Variants in DDAH1 observed in about 807,000 individuals in gnomAD.
The protein encoded by DDAH1 is N(G),N(G)-dimethylarginine dimethylaminohydrolase 1.
A neutral mutation model predicts 28.8 loss-of-function variants in DDAH1; 19 were observed. The observed-to-expected ratio is 0.66, with a 90% CI of 0.46 to 0.97. The LOEUF (loss-of-function observed/expected upper bound fraction) is 0.97, where lower values mean the gene tolerates loss of function less well. Among genes scored for constraint, DDAH1 ranks in the 50% least tolerant of loss-of-function variants. The pLI, the probability that DDAH1 is intolerant of heterozygous loss-of-function variation, is 0.00. For synonymous variants in DDAH1, 153 were observed against 154.4 expected, an observed-to-expected ratio of 0.99 and a Z score of 0.07; for missense variants, 326 against 375.9, an observed-to-expected ratio of 0.87 and a Z score of 1.10.
At chr1:85,517,994 G>T (rs990296172) in intron 1 of DDAH1, among the ~76,000 whole-genome samples, 1 of 152,196 alleles carries the variant, frequency 6.6e-6, no homozygotes, top group Non-Finnish European at 1.5e-5. Context: ...TATTCATAAA[G>T]TATCTAATTG....
At chr1:85,451,006 G>A (rs114653491) in intron 1 of DDAH1, among the ~76,000 whole-genome samples, 5,323 of 152,254 alleles carry the variant, frequency 0.035, 319 homozygotes, top group African/African-American at 0.12. Flanking sequence ...CTAAAACCAT[G>A]AGCTGGAGAG....
At chr1:85,519,073 C>A (rs779704240) in intron 1 of DDAH1, among the ~76,000 whole-genome samples, 2 of 143,234 alleles carry the variant, frequency 1.4e-5, no homozygotes, top group African/African-American at 5.2e-5. Flanking sequence ...CAAGAAGAAA[C>A]GAGGAAAGAC....
At chr1:85,350,198 AC>A (rs1248825626) in intron 4 of DDAH1, among the ~76,000 whole-genome samples, 5 of 152,090 alleles carry the variant, frequency 3.3e-5, no homozygotes, top group African/African-American at 1.2e-4. Context: ...CTGGTGTGTA[AC>A]TAAAAACAGT....
chr1:85,575,130 C>A (rs1425627009), intron 1 of DDAH1, among the ~76,000 whole-genome samples: 3 of 152,106 alleles, frequency 2.0e-5, no homozygotes, highest in Non-Finnish European at 4.4e-5. Context: ...ACTCAGGAGG[C>A]TAAGGCGGGT....
chr1:85,461,246 T>C (rs1029968815), intron 1 of DDAH1, among the ~76,000 whole-genome samples: 2 of 152,312 alleles, frequency 1.3e-5, no homozygotes, highest in Non-Finnish European at 1.5e-5. Flanking sequence ...AATCTAAAGA[T>C]ACAACATTAT....
At chr1:85,456,555 G>A (rs1257415116) in intron 1 of DDAH1, among the ~76,000 whole-genome samples, 4 of 152,208 alleles carry the variant, frequency 2.6e-5, no homozygotes, top group Non-Finnish European at 5.9e-5. Context: ...TAGGCTTTGT[G>A]TTAGATGATT....
rs1042982771 is a variant in DDAH1 at position 85,324,767 on chromosome 1, G to A, written c.714C>T (p.Thr238=). ...TTGCACTTTCTGGATACTCTTCCGG[G>A]GTTCGGTGCAGCAAGACGTGCCCTT... The part of the protein sequence containing the change: ...PNKGHVLLHR[T]PEEYPESAKV... Residue 238 remains threonine (T), a synonymous_variant, in exon 5 of 6, where the codon ACC becomes ACT. Transcript: ENST00000284031. 3 of 1,614,064 alleles carry A rather than the reference G, an allele frequency of 1.9e-6. No individual in the cohort carries two copies. Among genetic ancestry groups the A allele is most frequent in the Admixed American group, 1.7e-5 (1 of 60,000 alleles).
intron 4 of DDAH1, among the ~76,000 whole-genome samples, chr1:85,338,918 A>G (rs540876093): frequency 6.5e-4 from 99 of 151,556 alleles, no homozygotes; most frequent in Non-Finnish European, 1.3e-3. Flanking sequence ...GTGGTTGTAT[A>G]TGTCTGTAAT....
In DDAH1 at chr1:85,464,985, G is replaced by C; in HGVS notation, c.61C>G (p.Leu21Val). The C allele has an allele frequency of 7.0e-7, 1 of 1,425,286 alleles. No homozygotes were observed. The highest frequency in any genetic ancestry group is 9.2e-7 in the Non-Finnish European group (1 of 1,091,038). The allele number at this position is 1,425,286 out of a possible 1,614,324, so 88.3% of individuals were successfully genotyped here. A position where few individuals can be genotyped will look rare whatever the true frequency, so the allele number is the denominator to read the frequency against. ...GRATHAVVRA[L>V]PESLGQHALR... ...GCGTGCTGGCCGAGCGACTCGGGTA[G>C]CGCCCGCACCACGGCGTGGGTGGCC... Residue 21 changes from leucine to valine, a missense_variant, in exon 1 of 6, where the codon CTA becomes GTA. Physicochemically the swap from Leu to Val is conservative, Grantham distance 32 (BLOSUM62 1). Coordinates refer to ENST00000284031, the MANE Select transcript of DDAH1 (RefSeq NM_012137.4). This position sits in a 1 kb window ranked among gnomAD's most constrained non-coding sequence, Gnocchi z 4.4.
At chr1:85,419,905 G>T (rs1201517633) in intron 1 of DDAH1, among the ~76,000 whole-genome samples, 1 of 152,184 alleles carries the variant, frequency 6.6e-6, no homozygotes, top group East Asian at 1.9e-4. Context: ...TGTCCCTCAA[G>T]TTGCATTTCC....
At chr1:85,468,877 A>G (rs947210232), upstream of DDAH1, among the ~76,000 whole-genome samples, 15 of 152,200 alleles carry the variant, frequency 9.9e-5, no homozygotes, top group African/African-American at 3.4e-4. Context: ...CCACGAGAAC[A>G]GTACAGGAAA....
chr1:85,487,799 A>G lies in DDAH1; in HGVS notation c.-7+8367T>C, dbSNP rs1242367540. 2.0e-5 allele frequency among the ~76,000 whole-genome samples: 3 copies of G among 152,286 alleles called. No homozygotes were observed. The East Asian group carries it at 5.8e-4, about 29-fold the overall frequency. On this transcript the variant is annotated intron_variant, in intron 2 of 6. Transcript: ENST00000426972. The stretch of plus-strand genomic sequence containing the variant: ...AAAAACATATATGCAAGCCAGTACA[A>G]GTATATTTTCTCTTCTTTTTTTAAC...
In DDAH1 at chr1:85,392,811, A is replaced by AAG. The variant is rs1553129560; in HGVS notation, c.304-33965_304-33964insCT. Among the ~76,000 whole-genome samples, 8 of 139,714 alleles carry AAG rather than the reference A, an allele frequency of 5.7e-5. 2 individuals carry two copies. The highest frequency in any genetic ancestry group is 2.2e-4 in the South Asian group (1 of 4,466). The allele number at this position is 139,714 out of a possible 152,430, so 91.7% of individuals were successfully genotyped here. The stretch of plus-strand genomic sequence containing the variant: ...TGTCTAAAAAAAAAAAAAAAAAAAA[A>AAG]AAAAAAGAAAGAAAATGAACCCCTG... On this transcript the variant is annotated intron_variant, in intron 1 of 5. Transcript: ENST00000284031.
chr1:85,381,228 C>CA (rs35851797), intron 1 of DDAH1, among the ~76,000 whole-genome samples: 54,951 of 127,150 alleles, frequency 0.43, 11,281 homozygotes, highest in South Asian at 0.52. Context: ...AAACTCCATC[C>CA]AAAAAAAAAA....
In DDAH1 at chr1:85,324,989, G is replaced by C. The variant is rs1647285544; in HGVS notation, c.598-106C>G. On this transcript the variant is annotated intron_variant, in intron 4 of 5. Coordinates refer to ENST00000284031, the MANE Select transcript of DDAH1 (RefSeq NM_012137.4). ...AAGCTTGGAACTGACACTTTAGGCT[G>C]TTCCTCTGTTCAAATTCCCATCTAT... is the stretch of plus-strand genomic sequence containing the variant. 14 of 1,332,044 alleles carry C rather than the reference G, an allele frequency of 1.1e-5. No homozygotes were observed. The Admixed American group carries it at 2.5e-4, about 24-fold the overall frequency. The allele number at this position is 1,332,044 out of a possible 1,614,324, so 82.5% of individuals were successfully genotyped here.
At chr1:85,416,702 CTG>C (rs1422331803) in intron 1 of DDAH1, among the ~76,000 whole-genome samples, 3 of 152,080 alleles carry the variant, frequency 2.0e-5, no homozygotes, top group Non-Finnish European at 2.9e-5. Flanking sequence ...GGGTCTTGCT[CTG>C]TTGCCCAGGC....
rs754889546 is a variant in DDAH1 at position 85,431,557 on chromosome 1, C to T, written c.303+33186G>A. On this transcript the variant is annotated intron_variant, in intron 1 of 5. Coordinates refer to ENST00000284031, the MANE Select transcript of DDAH1 (RefSeq NM_012137.4). The stretch of plus-strand genomic sequence containing the variant: ...CTCTCTCCTTCTTTCCTTCTTCCCT[C>T]CTTCCTCACCTCTACCCCCTCCTCT... 1.2e-4 allele frequency among the ~76,000 whole-genome samples: 18 copies of T among 152,102 alleles called. 1 individual carries two copies. The Middle Eastern group carries it at 0.02, about 172-fold the overall frequency.
At chr1:85,470,864 C>G (rs1040117166) in intron 2 of DDAH1, among the ~76,000 whole-genome samples, 7 of 152,280 alleles carry the variant, frequency 4.6e-5, no homozygotes, top group African/African-American at 1.7e-4. Flanking sequence ...TACTAAGCAT[C>G]TACAGTATGT....
At position 85,547,557 on chromosome 1, in the gene DDAH1, A is replaced by G. The variant is rs568046218; in HGVS notation, c.-123+30427T>C. On this transcript the variant is annotated intron_variant, in intron 1 of 6. Transcript: ENST00000426972. ...CCGAACATCAAGCACATTTTCAACCAGTACTGTCAGGATAGCATTTGAATA... is the reference window on the plus strand; with the variant it reads ...CCGAACATCAAGCACATTTTCAACCGGTACTGTCAGGATAGCATTTGAATA... Among the ~76,000 whole-genome samples, 8 of 152,328 alleles carry G rather than the reference A, an allele frequency of 5.3e-5. No homozygotes were observed. The South Asian group carries it at 1.4e-3, about 28-fold the overall frequency.
Sources: allele counts gnomAD v4.1 joint callset (sites outside exome capture counted in the v4.1 genomes callset), GRCh38; gene constraint gnomAD v4.1.1; non-coding constraint Gnocchi (gnomAD v3.1); transcripts MANE v1.5; gene names NCBI Gene and HGNC (gene_info 2026-07-23, HGNC 2026-07-21).